CPNE4: variants seen among roughly 807,000 people sequenced by gnomAD.
CPNE4 encodes the protein copine 4, also known as copine-4.
In CPNE4, 25 loss-of-function variants were observed where a neutral mutation model predicts 67.9. The observed-to-expected ratio is 0.37, with a 90% CI of 0.27 to 0.51. The LOEUF is 0.51. Among genes scored for constraint, CPNE4 ranks in the 20% least tolerant of loss-of-function variants. The pLI is 0.93. For missense variants in CPNE4, 464 were observed against 690.8 expected, an observed-to-expected ratio of 0.67 and a Z score of 3.68; for synonymous variants, 242 against 244.9, an observed-to-expected ratio of 0.99 and a Z score of 0.11.
At chr3:131,547,316 G>A (rs564005574) in intron 14 of CPNE4, among the ~76,000 whole-genome samples, 25 of 151,994 alleles carry the variant, frequency 1.6e-4, no homozygotes, top group East Asian at 9.7e-4. Flanking sequence ...TTAGCTGGGC[G>A]TGGTGGCACA....
chr3:131,932,960 G>C (rs1288426492), intron 1 of CPNE4, among the ~76,000 whole-genome samples: 1 of 152,156 alleles, frequency 6.6e-6, no homozygotes, highest in African/African-American at 2.4e-5. Flanking sequence ...GGTGAATGTT[G>C]CAGTGAGCCA....
chr3:132,033,128 T>C (rs1659484444), intron 1 of CPNE4, among the ~76,000 whole-genome samples: 2 of 152,260 alleles, frequency 1.3e-5, no homozygotes, highest in African/African-American at 2.4e-5. Context: ...TGTACGCCTG[T>C]GTATGTGTGC....
chr3:131,874,863 G>A (rs1453202330), intron 2 of CPNE4, among the ~76,000 whole-genome samples: 3 of 152,122 alleles, frequency 2.0e-5, no homozygotes, highest in East Asian at 1.9e-4. Context: ...GGAAAATCAC[G>A]TGTATATAAT....
intron 2 of CPNE4, among the ~76,000 whole-genome samples, chr3:131,751,755 T>C (rs1428769791): frequency 7.2e-6 from 1 of 139,068 alleles, no homozygotes; most frequent in Admixed American, 7.4e-5. Flanking sequence ...TTAAATCTTC[T>C]GTTTAGCTGT....
chr3:131,788,281 TAATA>T (rs1330723421), intron 2 of CPNE4, among the ~76,000 whole-genome samples: 6 of 152,060 alleles, frequency 3.9e-5, no homozygotes, highest in Non-Finnish European at 8.8e-5. Flanking sequence ...GTCATATTCT[TAATA>T]AATAAAGAAG....
At chr3:131,663,361 T>C (rs1245854580) in intron 7 of CPNE4, among the ~76,000 whole-genome samples, 1 of 151,870 alleles carries the variant, frequency 6.6e-6, no homozygotes. Context: ...ACCTAATGCA[T>C]GTGGGACTGA....
intron 3 of CPNE4, among the ~76,000 whole-genome samples, chr3:131,711,573 T>G (rs1236508568): frequency 1.3e-5 from 2 of 152,166 alleles, no homozygotes. Context: ...CCCAAGAGCA[T>G]GCACCTTTGC....
chr3:132,026,599 C>T (rs1313552074), intron 1 of CPNE4, among the ~76,000 whole-genome samples: 1 of 152,154 alleles, frequency 6.6e-6, no homozygotes, highest in African/African-American at 2.4e-5. Flanking sequence ...ATCTAACCCA[C>T]AGAATATACA....
intron 1 of CPNE4, among the ~76,000 whole-genome samples, chr3:131,948,209 C>T (rs887088987): frequency 6.6e-6 from 1 of 152,182 alleles, no homozygotes; most frequent in Non-Finnish European, 1.5e-5. Flanking sequence ...ATAGTCCCCA[C>T]ATGTCAAGGT....
At chr3:131,588,886 A>C (rs1232264602) in intron 7 of CPNE4, among the ~76,000 whole-genome samples, 1 of 152,100 alleles carries the variant, frequency 6.6e-6, no homozygotes, top group Non-Finnish European at 1.5e-5. Flanking sequence ...ACAGTCTCCC[A>C]GCTTGTCTCC....
chr3:131,555,638 A>G (rs2107651439), intron 11 of CPNE4, 87 bp from the exon 12 acceptor site: 1 of 1,162,446 alleles, frequency 8.6e-7, no homozygotes, highest in Non-Finnish European at 1.3e-6. Flanking sequence ...CTACATTACT[A>G]GGTTGCTAGG....
intron 6 of CPNE4, 101 bp from the exon 7 acceptor site, chr3:131,669,865 AAAG>A: frequency 1.1e-6 from 1 of 907,800 alleles, no homozygotes; most frequent in Non-Finnish European, 1.8e-6. Context: ...ATGCTTATGA[AAAG>A]AACAATAGCC....
At chr3:132,032,803 C>T (rs1359462445) in intron 1 of CPNE4, among the ~76,000 whole-genome samples, 1 of 152,182 alleles carries the variant, frequency 6.6e-6, no homozygotes, top group Admixed American at 6.5e-5. Context: ...TAATCACAGC[C>T]ATAGCCATGC....
intron 2 of CPNE4, 139 bp downstream of exon 2, chr3:131,905,125 T>C: frequency 1.3e-6 from 1 of 788,610 alleles, no homozygotes; most frequent in South Asian, 1.8e-5. Flanking sequence ...CATCAAAACA[T>C]CATGATAGAA....
intron 2 of CPNE4, among the ~76,000 whole-genome samples, chr3:131,782,613 A>G (rs1349426111): frequency 6.6e-6 from 1 of 152,066 alleles, no homozygotes; most frequent in Non-Finnish European, 1.5e-5. Flanking sequence ...AAAATGTTCT[A>G]CTAGGGAATA....
At chr3:131,708,155 G>C (rs1218644742) in intron 3 of CPNE4, among the ~76,000 whole-genome samples, 1 of 152,134 alleles carries the variant, frequency 6.6e-6, no homozygotes, top group Non-Finnish European at 1.5e-5. Context: ...ACACTGAATT[G>C]ATGGGCCTTC....
intron 5 of CPNE4, among the ~76,000 whole-genome samples, chr3:131,691,888 C>T (rs1347877912): frequency 6.6e-6 from 1 of 152,054 alleles, no homozygotes; most frequent in Non-Finnish European, 1.5e-5. Flanking sequence ...AAATTCATAG[C>T]TTCAAAACAA....
chr3:131,621,284 A>T (rs1417474083), intron 7 of CPNE4, among the ~76,000 whole-genome samples: 1 of 152,094 alleles, frequency 6.6e-6, no homozygotes, highest in Non-Finnish European at 1.5e-5. Flanking sequence ...TCTTACTGTC[A>T]TCCAGGCTGG....
At chr3:131,585,935 T>G (rs1485012473) in intron 8 of CPNE4, among the ~76,000 whole-genome samples, 1 of 152,108 alleles carries the variant, frequency 6.6e-6, no homozygotes. Flanking sequence ...TTACAGCAGG[T>G]TTTGCAGGAA....
Sources: gnomAD v4.1 joint callset for allele counts (sites outside exome capture counted in the v4.1 genomes callset) on GRCh38, gnomAD v4.1.1 for gene constraint, MANE v1.5 for transcripts, NCBI Gene and HGNC (gene_info 2026-07-23, HGNC 2026-07-21) for gene names.